PTPRD: variants seen among roughly 807,000 people sequenced by gnomAD.
PTPRD encodes the protein protein tyrosine phosphatase receptor type D.
PTPRD carries 34 observed loss-of-function variants against 214.5 expected under a neutral mutation model. That is an observed-to-expected ratio of 0.16 (90% confidence interval 0.12 to 0.21). PTPRD has a LOEUF of 0.21. Among genes scored for constraint, PTPRD ranks in the 10% least tolerant of loss-of-function variants. The pLI is 1.00. For synonymous variants in PTPRD, 1,128 were observed against 845.7 expected (o/e 1.33, Z -5.79); for missense variants, 2,545 against 2,398.7 (o/e 1.06, Z -1.27).
intron 2 of PTPRD, among the ~76,000 whole-genome samples, chr9:10,441,951 A>G (rs2098762015): frequency 6.6e-6 from 1 of 151,610 alleles, no homozygotes; most frequent in South Asian, 2.1e-4. Context: ...AAGACACATC[A>G]TGTCTGATGA....
chr9:8,417,185 T>G (rs747161451), intron 35 of PTPRD, among the ~76,000 whole-genome samples: 2 of 152,174 alleles, frequency 1.3e-5, no homozygotes, highest in Non-Finnish European at 2.9e-5. Flanking sequence ...AATATATCGT[T>G]AGATTCTAAC....
intron 2 of PTPRD, among the ~76,000 whole-genome samples, chr9:10,507,849 G>C (rs759863427): frequency 9.2e-5 from 14 of 152,196 alleles, no homozygotes; most frequent in African/African-American, 2.9e-4. Flanking sequence ...AAAAACCCTA[G>C]AAGAAAACCT....
chr9:10,476,473 A>G (rs1355842622), intron 2 of PTPRD, among the ~76,000 whole-genome samples: 3 of 151,970 alleles, frequency 2.0e-5, no homozygotes, highest in East Asian at 3.9e-4. Flanking sequence ...ATCCACTACT[A>G]AAGGAAGTAA....
At chr9:9,648,452 G>T (rs1231092565) in intron 7 of PTPRD, among the ~76,000 whole-genome samples, 1 of 152,152 alleles carries the variant, frequency 6.6e-6, no homozygotes, top group Non-Finnish European at 1.5e-5. Context: ...TATCTAATGA[G>T]GAAGTGAGCT....
At chr9:8,768,121 G>A (rs77149437) in intron 11 of PTPRD, among the ~76,000 whole-genome samples, 2,322 of 152,274 alleles carry the variant, frequency 0.015, 59 homozygotes, top group African/African-American at 0.053. Flanking sequence ...AAGTGTGGGC[G>A]TGATAGCTCA....
chr9:10,199,131 G>C (rs114893285), intron 3 of PTPRD, among the ~76,000 whole-genome samples: 247 of 151,878 alleles, frequency 1.6e-3, no homozygotes, highest in African/African-American at 5.5e-3. Flanking sequence ...CACTTCTTAG[G>C]AGTGGATGCA....
At chr9:8,833,669 G>T (rs2097346016) in intron 11 of PTPRD, among the ~76,000 whole-genome samples, 1 of 143,224 alleles carries the variant, frequency 7.0e-6, no homozygotes, top group African/African-American at 2.6e-5. Context: ...ACATTATAAA[G>T]TTGAATGAAA....
intron 7 of PTPRD, among the ~76,000 whole-genome samples, chr9:9,609,612 G>C (rs571821189): frequency 6.6e-6 from 1 of 152,034 alleles, no homozygotes; most frequent in African/African-American, 2.4e-5. Context: ...ACAGATGTAC[G>C]CCACCACACC....
chr9:8,692,448 A>C (rs1222711279), intron 12 of PTPRD, among the ~76,000 whole-genome samples: 1 of 152,140 alleles, frequency 6.6e-6, no homozygotes, highest in African/African-American at 2.4e-5. Context: ...GGCACCACTC[A>C]CTTCCACATC....
chr9:9,106,139 T>A (rs188410146), intron 10 of PTPRD, among the ~76,000 whole-genome samples: 9 of 152,238 alleles, frequency 5.9e-5, no homozygotes, highest in African/African-American at 2.2e-4. Context: ...TCATTTTTGT[T>A]ATCCACTTAG....
chr9:10,110,301 A>T (rs1241421320), intron 3 of PTPRD, among the ~76,000 whole-genome samples: 1 of 152,114 alleles, frequency 6.6e-6, no homozygotes, highest in Non-Finnish European at 1.5e-5. Flanking sequence ...TCTCCCTGTG[A>T]AGTTGTTATT....
At chr9:9,604,053 TTTGA>T (rs1183019984) in intron 7 of PTPRD, among the ~76,000 whole-genome samples, 3 of 152,080 alleles carry the variant, frequency 2.0e-5, no homozygotes, top group African/African-American at 7.2e-5. Context: ...GTGGCATTAG[TTTGA>T]TTAATATAAT....
intron 5 of PTPRD, among the ~76,000 whole-genome samples, chr9:9,933,437 G>A (rs1331655033): frequency 6.6e-6 from 1 of 151,700 alleles, no homozygotes; most frequent in Non-Finnish European, 1.5e-5. Context: ...CCTAGTTTCT[G>A]ATAAAACAGA....
chr9:9,294,019 A>G (rs1272185868), intron 9 of PTPRD, among the ~76,000 whole-genome samples: 1 of 151,586 alleles, frequency 6.6e-6, no homozygotes. Flanking sequence ...GGTTACTTGG[A>G]CACAAGCACC....
chr9:8,986,852 GT>G (rs1047141357), intron 11 of PTPRD, among the ~76,000 whole-genome samples: 2 of 151,802 alleles, frequency 1.3e-5, no homozygotes, highest in Admixed American at 6.6e-5. Flanking sequence ...AGTTATTGAA[GT>G]TTTTTTTCAG....
intron 9 of PTPRD, among the ~76,000 whole-genome samples, chr9:9,249,438 C>T (rs1156832192): frequency 6.6e-6 from 1 of 152,004 alleles, no homozygotes; most frequent in Non-Finnish European, 1.5e-5. Context: ...TCTTCGTAAA[C>T]CTCTTGATTT....
intron 8 of PTPRD, among the ~76,000 whole-genome samples, chr9:9,401,805 G>A (rs1165535325): frequency 6.6e-6 from 1 of 151,870 alleles, no homozygotes; most frequent in Non-Finnish European, 1.5e-5. Flanking sequence ...GAGTTCTCAC[G>A]AGATCTGGTA....
intron 11 of PTPRD, among the ~76,000 whole-genome samples, chr9:8,836,569 C>A (rs567557915): frequency 2.0e-4 from 26 of 132,754 alleles, no homozygotes; most frequent in Non-Finnish European, 3.2e-5. Flanking sequence ...GTCTTAAGTT[C>A]AGAGTATTAA....
At chr9:9,148,049 T>G (rs1296315963) in intron 10 of PTPRD, among the ~76,000 whole-genome samples, 2 of 152,180 alleles carry the variant, frequency 1.3e-5, no homozygotes, top group Non-Finnish European at 2.9e-5. Context: ...TATAGGTTAA[T>G]ACGCATATGG....
Sources: gnomAD v4.1 joint callset for allele counts (sites outside exome capture counted in the v4.1 genomes callset) on GRCh38, gnomAD v4.1.1 for gene constraint, MANE v1.5 for transcripts, NCBI Gene and HGNC (gene_info 2026-07-23, HGNC 2026-07-21) for gene names.